The following NTNG1 variants were observed in gnomAD, a reference collection of about 807,000 sequenced individuals.
The protein encoded by NTNG1 is netrin G1.
Under a neutral mutation model 54.0 loss-of-function variants are expected in NTNG1, and 16 were observed. That is an observed-to-expected ratio of 0.30 (90% CI 0.20 to 0.45). NTNG1 has a LOEUF of 0.45. NTNG1 is among the 20% of genes least tolerant of loss of function. The pLI, the probability that NTNG1 is intolerant of heterozygous loss-of-function variation, is 1.00. For synonymous variants in NTNG1, 255 were observed against 263.1 expected, an observed-to-expected ratio of 0.97 and a Z score of 0.30; for missense variants, 530 against 678.7, an observed-to-expected ratio of 0.78 and a Z score of 2.43.
In NTNG1 at chr1:107,168,849, A is replaced by G. The variant is rs535071651; in HGVS notation, c.246+20010A>G. Among the ~76,000 whole-genome samples, 23 of 152,270 alleles carry G rather than the reference A, an allele frequency of 1.5e-4. No homozygotes were observed. In the East Asian group the frequency reaches 4.2e-3, roughly 28 times the overall value. ...TGTTGAGCTGATGACATTTTGAAAA[A>G]TTGATCAAATTGGTCACCAATTTCA... On this transcript the variant is annotated intron_variant, in intron 2 of 7. Coordinates refer to ENST00000370068, the MANE Select transcript of NTNG1 (RefSeq NM_001113226.3).
At chr1:107,422,192 A>G (rs1300742832) in intron 5 of NTNG1, among the ~76,000 whole-genome samples, 1 of 152,068 alleles carries the variant, frequency 6.6e-6, no homozygotes, top group Non-Finnish European at 1.5e-5. Flanking sequence ...GAACCCAATT[A>G]GGTTTGAAAT....
At chr1:107,233,226 A>G (rs1348001459) in intron 2 of NTNG1, among the ~76,000 whole-genome samples, 1 of 152,198 alleles carries the variant, frequency 6.6e-6, no homozygotes, top group Non-Finnish European at 1.5e-5. Flanking sequence ...AAATACTACT[A>G]AGCAGTCAGA....
At chr1:107,451,954 A>G (rs1676650451) in intron 7 of NTNG1, among the ~76,000 whole-genome samples, 1 of 152,150 alleles carries the variant, frequency 6.6e-6, no homozygotes, top group South Asian at 2.1e-4. Context: ...GAAAACTCTA[A>G]GGTCTATTCC....
At chr1:107,395,109 G>A (rs1672598809) in intron 3 of NTNG1, 45 bp from the exon 4 acceptor site, 1 of 1,561,410 alleles carries the variant, frequency 6.4e-7, no homozygotes, top group South Asian at 1.2e-5. Context: ...TGGTCACCAA[G>A]ACCAACTTAT....
rs1661818590 is a variant in NTNG1, at chr1:107,241,412, A to C, written c.247-82870A>C. On this transcript the variant is annotated intron_variant, in intron 2 of 7. Transcript: ENST00000370068. ...AAAGGAGGAAGCGGTAATATTTACTATACAGAAAAAAATTGCCTTCAGTTA... is the reference window on the plus strand; with the variant it reads ...AAAGGAGGAAGCGGTAATATTTACTCTACAGAAAAAAATTGCCTTCAGTTA... Among the ~76,000 whole-genome samples, 3 of 152,232 alleles carry C rather than the reference A, an allele frequency of 2.0e-5. No homozygotes were observed. The South Asian group carries it at 6.2e-4, about 31-fold the overall frequency.
chr1:107,303,211 T>C (rs77107190), intron 2 of NTNG1, among the ~76,000 whole-genome samples: 2 of 152,332 alleles, frequency 1.3e-5, no homozygotes, highest in East Asian at 3.9e-4. Flanking sequence ...ACCAGTGCAA[T>C]GCATTCAGGA....
At chr1:107,260,395 G>T (rs1284159589) in intron 2 of NTNG1, among the ~76,000 whole-genome samples, 1 of 152,144 alleles carries the variant, frequency 6.6e-6, no homozygotes, top group East Asian at 1.9e-4. Flanking sequence ...AGGGACAATG[G>T]GATCCCCATT....
intron 7 of NTNG1, 35 bp from the exon 8 acceptor site, chr1:107,480,576 G>GCCCCCCCCCCCC: frequency 8.8e-6 from 3 of 339,098 alleles, no homozygotes; most frequent in African/African-American, 2.7e-5. Context: ...TCCTCCCCGC[G>GCCCCCCCCCCCC]CCCACCCACC....
chr1:107,280,339 A>G (rs973521907), intron 2 of NTNG1, among the ~76,000 whole-genome samples: 1 of 150,762 alleles, frequency 6.6e-6, no homozygotes, highest in Non-Finnish European at 1.5e-5. Flanking sequence ...CATGGGTTGA[A>G]TCTCTGTATT....
At chr1:107,185,762 A>C (rs533095383) in intron 2 of NTNG1, among the ~76,000 whole-genome samples, 68 of 152,272 alleles carry the variant, frequency 4.5e-4, no homozygotes, top group African/African-American at 1.5e-3. Flanking sequence ...GATGGGGGAC[A>C]GCTAGGATCA....
chr1:107,452,583 G>C (rs185475053), intron 7 of NTNG1, among the ~76,000 whole-genome samples: 14 of 152,272 alleles, frequency 9.2e-5, no homozygotes, highest in African/African-American at 2.9e-4. Flanking sequence ...TCTAGTGGTA[G>C]TGAGTGAGTC....
chr1:107,415,239 TATA>T (rs1321296555), intron 5 of NTNG1, among the ~76,000 whole-genome samples: 1 of 152,152 alleles, frequency 6.6e-6, no homozygotes, highest in African/African-American at 2.4e-5. Flanking sequence ...CCCTCACCCT[TATA>T]ATAATTTCTC....
intron 5 of NTNG1, among the ~76,000 whole-genome samples, chr1:107,411,550 C>A (rs72701210): frequency 6.6e-6 from 1 of 152,070 alleles, no homozygotes; most frequent in South Asian, 2.1e-4. Flanking sequence ...TATTAATAAT[C>A]GCATTCATGT....
intron 3 of NTNG1, among the ~76,000 whole-genome samples, chr1:107,333,192 T>G (rs1668383753): frequency 6.6e-6 from 1 of 152,012 alleles, no homozygotes; most frequent in Admixed American, 6.6e-5. Context: ...TTAAAATCAT[T>G]ATCTACCTTA....
At position 107,148,351 on chromosome 1, in the gene NTNG1, A is replaced by C; in HGVS notation, c.-243A>C. On this transcript the variant is annotated 5_prime_UTR_variant, in exon 2 of 8. Coordinates refer to ENST00000370068, the MANE Select transcript of NTNG1 (RefSeq NM_001113226.3). ...AAGCTGCAAGTTGTTAACGCCTAAC[A>C]CACAAGTATGTTAGGCTTCCACCAA... 1 of 458,710 alleles carries C rather than the reference A, an allele frequency of 2.2e-6. No homozygotes were observed. The highest frequency in any genetic ancestry group is 3.9e-6 in the Non-Finnish European group (1 of 257,296). 28.4% of individuals were successfully genotyped at this position (458,710 alleles called of 1,614,324 possible).
intron 2 of NTNG1, among the ~76,000 whole-genome samples, chr1:107,295,924 C>G (rs2101782851): frequency 6.6e-6 from 1 of 152,178 alleles, no homozygotes; most frequent in South Asian, 2.1e-4. Context: ...CCCTGTTGAC[C>G]ACTTTCAGTC....
intron 2 of NTNG1, among the ~76,000 whole-genome samples, chr1:107,197,944 G>T (rs866186821): frequency 6.6e-6 from 1 of 151,880 alleles, no homozygotes; most frequent in Non-Finnish European, 1.5e-5. Context: ...CAAAAATAAT[G>T]ATCCTATTCC....
At chr1:107,386,338 T>TG (rs1671999186) in intron 3 of NTNG1, among the ~76,000 whole-genome samples, 1 of 151,146 alleles carries the variant, frequency 6.6e-6, no homozygotes, top group Non-Finnish European at 1.5e-5. Flanking sequence ...CCCAGCTAAC[T>TG]TTTTTTTGTA....
Position 107,483,629 on chromosome 1 carries a change from G to A in NTNG1, c.*2789G>A, listed in dbSNP as rs1049442663. On this transcript the variant is annotated 3_prime_UTR_variant, in exon 8 of 8. Coordinates refer to ENST00000370068, the MANE Select transcript of NTNG1 (RefSeq NM_001113226.3). ...AATGTTGTGCCCTAAGAACAGGACT[G>A]GGGTGAAAAGCGGGTACTCAGTTGT... Among the ~76,000 whole-genome samples the A allele has an allele frequency of 5.3e-5, 8 of 152,150 alleles. No homozygotes were observed. The highest frequency in any genetic ancestry group is 1.0e-4 in the Non-Finnish European group (7 of 68,036).
Sources: allele counts gnomAD v4.1 joint callset (sites outside exome capture counted in the v4.1 genomes callset), GRCh38; gene constraint gnomAD v4.1.1; transcripts MANE v1.5; gene names NCBI Gene and HGNC (gene_info 2026-07-23, HGNC 2026-07-21).